Variants in IGF1R observed in about 807,000 individuals in gnomAD.
The protein encoded by IGF1R is insulin-like growth factor 1 receptor.
IGF1R carries 44 observed loss-of-function variants against 144.6 expected under a neutral mutation model. The ratio of observed to expected loss-of-function variants is 0.30; its 90% confidence interval spans 0.24 to 0.39. IGF1R has a LOEUF of 0.39. Among genes scored for constraint, IGF1R ranks in the 10% least tolerant of loss-of-function variants. The probability of loss-of-function intolerance (pLI) is 1.00; values close to 1 mark genes in which losing one functional copy is unlikely to be tolerated. For missense variants in IGF1R, 1,355 were observed against 1,833.7 expected, an observed-to-expected ratio of 0.74 and a Z score of 4.77; for synonymous variants, 795 against 722.8, an observed-to-expected ratio of 1.10 and a Z score of -1.60.
At chr15:98,658,928 A>G (rs1442407757) in intron 1 of IGF1R, among the ~76,000 whole-genome samples, 1 of 152,252 alleles carries the variant, frequency 6.6e-6, no homozygotes, top group Admixed American at 6.5e-5. Context: ...CTGTGAAATT[A>G]TAATTTTAAT....
chr15:98,763,614 A>C (rs1188164672), intron 2 of IGF1R, among the ~76,000 whole-genome samples: 1 of 152,136 alleles, frequency 6.6e-6, no homozygotes, highest in Non-Finnish European at 1.5e-5. Context: ...AAAGGTTGTG[A>C]AGTCCCTTTG....
At chr15:98,670,553 C>T (rs972105727) in intron 1 of IGF1R, among the ~76,000 whole-genome samples, 1 of 152,122 alleles carries the variant, frequency 6.6e-6, no homozygotes, top group African/African-American at 2.4e-5. Context: ...AAGTTAAATA[C>T]ATGGGAGGCT....
intron 2 of IGF1R, among the ~76,000 whole-genome samples, chr15:98,782,114 A>C (rs1567126646): frequency 6.6e-6 from 1 of 152,142 alleles, no homozygotes; most frequent in South Asian, 2.1e-4. Flanking sequence ...CATTTCTCAA[A>C]CCTATTTGAG....
intron 2 of IGF1R, among the ~76,000 whole-genome samples, chr15:98,796,038 C>T (rs1420183215): frequency 6.6e-6 from 1 of 152,232 alleles, no homozygotes; most frequent in Non-Finnish European, 1.5e-5. Context: ...CCTGCTCCAT[C>T]TGGCTGATCC....
chr15:98,649,773 CG>C (rs1462349979), intron 1 of IGF1R, 98 bp downstream of exon 1: 2 of 891,464 alleles, frequency 2.2e-6, no homozygotes, highest in African/African-American at 3.4e-5. Flanking sequence ...TCGCAGCTGT[CG>C]GGCCCCCGGG....
At chr15:98,688,410 A>G (rs1386762782) in intron 1 of IGF1R, among the ~76,000 whole-genome samples, 1 of 121,494 alleles carries the variant, frequency 8.2e-6, no homozygotes, top group African/African-American at 3.1e-5. Flanking sequence ...CACACAACAC[A>G]CACCTGTGTG....
chr15:98,786,153 A>G lies in IGF1R; in HGVS notation c.640+78046A>G, dbSNP rs1280812963. Among the ~76,000 whole-genome samples the G allele has an allele frequency of 2.0e-5, 3 of 152,168 alleles. No homozygotes were observed. The East Asian group carries it at 5.8e-4, about 29-fold the overall frequency. ...GAAAGCAAGTTGCCTAGGTCTACAG[A>G]TGAGTATTCAGTTTCCCCACCAGTT... On this transcript the variant is annotated intron_variant, in intron 2 of 20. Coordinates refer to ENST00000650285, the MANE Select transcript of IGF1R (RefSeq NM_000875.5).
At chr15:98,922,697 A>C (rs780046976) in intron 11 of IGF1R, among the ~76,000 whole-genome samples, 1 of 152,162 alleles carries the variant, frequency 6.6e-6, no homozygotes, top group Non-Finnish European at 1.5e-5. Context: ...TCCACCCTCC[A>C]CCTGCTACTT....
At chr15:98,768,082 C>T (rs2055479734) in intron 2 of IGF1R, among the ~76,000 whole-genome samples, 1 of 152,122 alleles carries the variant, frequency 6.6e-6, no homozygotes. Context: ...AGTAAGCTAA[C>T]TTGCTAGAGG....
At chr15:98,710,668 C>CT (rs34054503) in intron 2 of IGF1R, among the ~76,000 whole-genome samples, 51,630 of 140,050 alleles carry the variant, frequency 0.37, 9,839 homozygotes, top group Middle Eastern at 0.44. Context: ...CCTTTTTATT[C>CT]TTTTTTTTTT....
At chr15:98,832,459 T>G (rs1465549107) in intron 2 of IGF1R, among the ~76,000 whole-genome samples, 2 of 152,222 alleles carry the variant, frequency 1.3e-5, no homozygotes, top group Non-Finnish European at 2.9e-5. Flanking sequence ...AGATTACCCC[T>G]GAGATGTGTA....
At position 98,963,492 on chromosome 15, in the gene IGF1R, T is replaced by C. The variant is rs575408341; in HGVS notation, c.*6050T>C. 4 of 233,260 alleles carry C rather than the reference T, an allele frequency of 1.7e-5. No homozygotes were observed. Among genetic ancestry groups the C allele is most frequent in the South Asian group, 3.6e-4 (2 of 5,524 alleles). 14.4% of individuals were successfully genotyped at this position (233,260 alleles called of 1,614,324 possible). A position where few individuals can be genotyped will look rare whatever the true frequency, so the allele number is the denominator to read the frequency against. On this transcript the variant is annotated 3_prime_UTR_variant, in exon 21 of 21. Transcript: ENST00000650285. ...CAGATGGAAAGAACCTCATTGGCCA[T>C]GGAAACAGCCGAGGTGTTGGAGCCC...
rs773205989 is a variant in IGF1R at position 98,922,219 on chromosome 15, C to T, written c.2273C>T (p.Thr758Met). The T allele has an allele frequency of 1.2e-5, 19 of 1,614,080 alleles. No homozygotes were observed. The highest frequency in any genetic ancestry group is 3.3e-5 in the South Asian group (3 of 91,090). The change falls in exon 11 of 21, where the codon ACG becomes ATG. Residue 758 changes from threonine to methionine, a missense_variant. Coordinates refer to ENST00000650285, the MANE Select transcript of IGF1R (RefSeq NM_000875.5). ...TTMSSRSRNTTAADTYNITDP... is the reference protein window; with the variant it reads ...TTMSSRSRNTMAADTYNITDP... The stretch of plus-strand genomic sequence containing the variant: ...ATGTCCAGCCGAAGCAGGAACACCA[C>T]GGCCGCAGACACCTACAACATCACC...
intron 2 of IGF1R, among the ~76,000 whole-genome samples, chr15:98,768,611 T>C (rs1157566821): frequency 5.8e-5 from 2 of 34,216 alleles, no homozygotes; most frequent in East Asian, 2.4e-3. Flanking sequence ...CGAGACTCCA[T>C]CTCAAAAAAA....
intron 2 of IGF1R, among the ~76,000 whole-genome samples, chr15:98,840,923 C>T (rs957781707): frequency 1.6e-4 from 25 of 152,098 alleles, no homozygotes; most frequent in Non-Finnish European, 2.5e-4. Flanking sequence ...TCAGGTGATC[C>T]GCCCGCCTCG....
chr15:98,851,154 G>C (rs1461320956), intron 2 of IGF1R, among the ~76,000 whole-genome samples: 1 of 152,166 alleles, frequency 6.6e-6, no homozygotes, highest in Non-Finnish European at 1.5e-5. Flanking sequence ...CTGAGTGAAG[G>C]TTTGTGTGTG....
At chr15:98,915,926 A>G in intron 8 of IGF1R, 38 bp from the exon 9 acceptor site, 2 of 1,605,974 alleles carry the variant, frequency 1.2e-6, no homozygotes, top group Non-Finnish European at 1.7e-6. Flanking sequence ...TCTTAAGTTC[A>G]TTTCATTTTC....
intron 20 of IGF1R, among the ~76,000 whole-genome samples, chr15:98,952,162 C>G (rs931313883): frequency 4.6e-5 from 7 of 152,132 alleles, no homozygotes; most frequent in African/African-American, 1.7e-4. Flanking sequence ...CTGACCAAAC[C>G]TCAGAAGTCA....
At chr15:98,761,386 G>A (rs745989449) in intron 2 of IGF1R, among the ~76,000 whole-genome samples, 2 of 152,240 alleles carry the variant, frequency 1.3e-5, no homozygotes, top group African/African-American at 2.4e-5. Context: ...GTGCTACAGA[G>A]TCCTGGAAGG....
Sources: allele counts gnomAD v4.1 joint callset (sites outside exome capture counted in the v4.1 genomes callset), GRCh38; gene constraint gnomAD v4.1.1; transcripts MANE v1.5; gene names NCBI Gene and HGNC (gene_info 2026-07-23, HGNC 2026-07-21).